TPTE: variants seen among roughly 807,000 people sequenced by gnomAD.
TPTE encodes the protein putative tyrosine-protein phosphatase TPTE.
In TPTE, 59 loss-of-function variants were observed where a neutral mutation model predicts 84.1. The ratio of observed to expected loss-of-function variants is 0.70; its 90% CI spans 0.57 to 0.87. The LOEUF is 0.87. Ranked by LOEUF, TPTE falls within the 40% of genes least tolerant of loss-of-function variation. The probability of loss-of-function intolerance (pLI) is 0.00; values close to 1 mark genes in which losing one functional copy is unlikely to be tolerated. For synonymous variants in TPTE, 130 were observed against 223.5 expected, an observed-to-expected ratio of 0.58 and a Z score of 3.73; for missense variants, 382 against 659.6, an observed-to-expected ratio of 0.58 and a Z score of 4.61.
chr21:10,572,054 A>C (rs12626603), intron 14 of TPTE, among the ~76,000 whole-genome samples: 1 of 150,926 alleles, frequency 6.6e-6, no homozygotes, highest in African/African-American at 2.4e-5. Context: ...GACATGGGAG[A>C]GATATGGCCA....
At chr21:10,557,300 A>G (rs1292880970) in intron 8 of TPTE, among the ~76,000 whole-genome samples, 2 of 152,310 alleles carry the variant, frequency 1.3e-5, no homozygotes, top group Admixed American at 6.5e-5. Context: ...AACTCTGCAC[A>G]TAACTGCTTG....
chr21:10,529,157 C>T (rs1238303161), intron 3 of TPTE, among the ~76,000 whole-genome samples: 1 of 150,694 alleles, frequency 6.6e-6, no homozygotes, highest in African/African-American at 2.5e-5. Flanking sequence ...GCACTGCAGC[C>T]TCGATGACAG....
chr21:10,594,307 A>C (rs2075540340), intron 19 of TPTE, among the ~76,000 whole-genome samples: 1 of 152,312 alleles, frequency 6.6e-6, no homozygotes, highest in South Asian at 2.1e-4. Flanking sequence ...TTGCTTTTTC[A>C]ATTCTTAGAG....
chr21:10,547,015 A>G (rs1162972588), intron 7 of TPTE, among the ~76,000 whole-genome samples: 1 of 152,310 alleles, frequency 6.6e-6, no homozygotes. Context: ...GATGCCATCT[A>G]GGACTTTTAT....
Position 10,538,741 on chromosome 21 carries a change from T to C in TPTE, c.11+7T>C. The C allele has an allele frequency of 6.2e-7, 1 of 1,614,078 alleles. No individual in the cohort carries two copies. Among genetic ancestry groups the C allele is most frequent in the South Asian group, 1.1e-5 (1 of 91,080 alleles). On this transcript the variant is annotated splice_region_variant and intron_variant, in intron 4 of 23. Coordinates refer to ENST00000618007, the MANE Select transcript of TPTE (RefSeq NM_199261.4). ...AGGCACGTATGAATGAAAGGTGAGT[T>C]ATGCGTACGTGTGTCTTTATTTATC... is the stretch of plus-strand genomic sequence containing the variant.
chr21:10,544,401 T>G (rs534653765), intron 7 of TPTE, among the ~76,000 whole-genome samples: 189 of 152,358 alleles, frequency 1.2e-3, no homozygotes, highest in African/African-American at 4.5e-3. Context: ...TTATTGTATT[T>G]TTTGAGATGA....
intron 2 of TPTE, among the ~76,000 whole-genome samples, chr21:10,527,069 G>A (rs1472887526): frequency 1.3e-5 from 2 of 152,304 alleles, no homozygotes; most frequent in East Asian, 1.9e-4. Flanking sequence ...AAGGATGACC[G>A]GGAACTAGCC....
At chr21:10,565,188 C>G (rs140347494) in intron 10 of TPTE, among the ~76,000 whole-genome samples, 109 of 152,378 alleles carry the variant, frequency 7.2e-4, no homozygotes, top group Non-Finnish European at 7.2e-4. Context: ...ATACAAAAAT[C>G]AGTAGCATTT....
intron 3 of TPTE, among the ~76,000 whole-genome samples, chr21:10,533,153 A>C (rs576958292): frequency 2.3e-3 from 354 of 152,262 alleles, no homozygotes; most frequent in African/African-American, 7.8e-3. Context: ...ATTCTTTTCT[A>C]CTATTTTCTG....
chr21:10,565,648 A>G (rs2074905113), intron 10 of TPTE, among the ~76,000 whole-genome samples: 1 of 152,310 alleles, frequency 6.6e-6, no homozygotes, highest in Non-Finnish European at 1.5e-5. Context: ...GCACTGGCAT[A>G]AAAACAGACA....
chr21:10,544,913 T>A (rs1378982152), intron 7 of TPTE, among the ~76,000 whole-genome samples: 4 of 152,308 alleles, frequency 2.6e-5, no homozygotes, highest in Non-Finnish European at 1.5e-5. Context: ...CTTGATTCAT[T>A]AAGTTTTTTT....
At chr21:10,542,519 A>G (rs2074388161) in intron 6 of TPTE, 71 bp downstream of exon 6, 1 of 1,574,278 alleles carries the variant, frequency 6.4e-7, no homozygotes, top group Non-Finnish European at 8.7e-7. Flanking sequence ...CAGGCACATG[A>G]GCAAGTATAC....
chr21:10,550,452 CAG>C (rs534857057), intron 7 of TPTE, among the ~76,000 whole-genome samples: 292 of 152,266 alleles, frequency 1.9e-3, no homozygotes, highest in African/African-American at 6.6e-3. Flanking sequence ...TCAGACAAAA[CAG>C]AGTTCAAGTT....
intron 14 of TPTE, among the ~76,000 whole-genome samples, chr21:10,576,957 G>A (rs1600938715): frequency 6.6e-6 from 1 of 152,234 alleles, no homozygotes; most frequent in Non-Finnish European, 1.5e-5. Context: ...TCTCCATATT[G>A]TTACCAGTTA....
At chr21:10,577,739 T>G (rs1716656751) in intron 15 of TPTE, among the ~76,000 whole-genome samples, 1 of 152,308 alleles carries the variant, frequency 6.6e-6, no homozygotes, top group Non-Finnish European at 1.5e-5. Context: ...GCAGGACCAA[T>G]GAAGCTGGAG....
At chr21:10,549,783 C>T (rs559279510) in intron 7 of TPTE, among the ~76,000 whole-genome samples, 226 of 152,322 alleles carry the variant, frequency 1.5e-3, no homozygotes, top group African/African-American at 4.8e-3. Flanking sequence ...AATAAAATAG[C>T]GTAAAACTTC....
At chr21:10,541,523 A>C (rs1360086859) in intron 5 of TPTE, among the ~76,000 whole-genome samples, 2 of 152,306 alleles carry the variant, frequency 1.3e-5, no homozygotes, top group Non-Finnish European at 2.9e-5. Flanking sequence ...ACAGTGACAG[A>C]GAAAGAGACC....
At chr21:10,522,041 G>T (rs2073987698) in intron 1 of TPTE, among the ~76,000 whole-genome samples, 4 of 152,134 alleles carry the variant, frequency 2.6e-5, no homozygotes, top group Admixed American at 1.3e-4. Context: ...AGCCGGAGCC[G>T]CAGGTAAAGG....
At chr21:10,592,412 T>A in intron 19 of TPTE, 39 bp downstream of exon 19, 1 of 1,606,302 alleles carries the variant, frequency 6.2e-7, no homozygotes, top group South Asian at 1.1e-5. Flanking sequence ...TTTTTAGGGG[T>A]GTGGGTTCAG....
Sources: gnomAD v4.1 joint callset for allele counts (sites outside exome capture counted in the v4.1 genomes callset) on GRCh38, gnomAD v4.1.1 for gene constraint, MANE v1.5 for transcripts, NCBI Gene and HGNC (gene_info 2026-07-23, HGNC 2026-07-21) for gene names.